The following MYO16 variants were observed in gnomAD, a reference collection of about 807,000 sequenced individuals.
MYO16 encodes the protein myosin XVI.
MYO16 carries 94 observed loss-of-function variants against 205.3 expected under a neutral mutation model. That is an observed-to-expected ratio of 0.46 (90% confidence interval 0.39 to 0.54). The LOEUF (loss-of-function observed/expected upper bound fraction) is 0.54, where lower values mean the gene tolerates loss of function less well. Ranked by LOEUF, MYO16 falls within the 20% of genes least tolerant of loss-of-function variation. The pLI is 0.00. For synonymous variants in MYO16, 988 were observed against 954.0 expected, an observed-to-expected ratio of 1.04 and a Z score of -0.66; for missense variants, 2,315 against 2,387.5, an observed-to-expected ratio of 0.97 and a Z score of 0.63.
intron 5 of MYO16, among the ~76,000 whole-genome samples, chr13:108,793,147 G>A (rs1470762713): frequency 3.3e-5 from 5 of 151,824 alleles, no homozygotes; most frequent in Non-Finnish European, 5.9e-5. Context: ...TTAGCCGGGC[G>A]CAGTGGCGGG....
At chr13:108,729,236 A>G (rs1490633725) in intron 4 of MYO16, among the ~76,000 whole-genome samples, 6 of 152,186 alleles carry the variant, frequency 3.9e-5, no homozygotes, top group African/African-American at 1.4e-4. Flanking sequence ...TAAAGGCCAT[A>G]GAATTTCTCC....
chr13:108,763,787 T>TTTGTG (rs150965677), intron 4 of MYO16, among the ~76,000 whole-genome samples: 7 of 142,634 alleles, frequency 4.9e-5, no homozygotes, highest in African/African-American at 1.8e-4. Context: ...AGAAAAGGAG[T>TTTGTG]TGTGTGTGTG....
the MYO16 span, among the ~76,000 whole-genome samples, chr13:108,571,189 C>T: frequency 6.6e-6 from 1 of 151,552 alleles, no homozygotes; most frequent in African/African-American, 2.4e-5. Flanking sequence ...GACTGAATCT[C>T]TGTGAACTGT....
At chr13:108,566,472 A>C in the MYO16 span, among the ~76,000 whole-genome samples, 3 of 147,068 alleles carry the variant, frequency 2.0e-5, no homozygotes, top group Admixed American at 6.7e-5. Flanking sequence ...CAAATAGCCA[A>C]CTTTTTTTTT....
chr13:108,556,404 T>G, the MYO16 span, among the ~76,000 whole-genome samples: 276 of 152,312 alleles, frequency 1.8e-3, 1 homozygote, highest in Non-Finnish European at 2.6e-3. Flanking sequence ...CTTTTTTTTG[T>G]ATACCCGTTG....
intron 9 of MYO16, among the ~76,000 whole-genome samples, chr13:108,838,457 C>T (rs1211723429): frequency 6.6e-6 from 1 of 150,864 alleles, no homozygotes; most frequent in East Asian, 1.9e-4. Context: ...GAGTTTGAGA[C>T]CAGCCTGGCC....
At chr13:108,583,641 T>G in the MYO16 span, among the ~76,000 whole-genome samples, 1 of 152,226 alleles carries the variant, frequency 6.6e-6, no homozygotes, top group Non-Finnish European at 1.5e-5. Flanking sequence ...GGGATTTCAA[T>G]GCATCCATTG....
intron 34 of MYO16, among the ~76,000 whole-genome samples, chr13:109,180,615 T>C (rs778652028): frequency 5.3e-5 from 8 of 152,254 alleles, no homozygotes; most frequent in East Asian, 1.9e-4. Flanking sequence ...TATAGAGGCA[T>C]GGCCATATTA....
chr13:108,886,878 A>C (rs950365874), intron 13 of MYO16, among the ~76,000 whole-genome samples: 1 of 152,124 alleles, frequency 6.6e-6, no homozygotes, highest in African/African-American at 2.4e-5. Context: ...ATCTCTGGTT[A>C]CTAGGACTTA....
At chr13:108,551,264 G>A in the MYO16 span, among the ~76,000 whole-genome samples, 1 of 152,060 alleles carries the variant, frequency 6.6e-6, no homozygotes, top group African/African-American at 2.4e-5. Context: ...TCTTTCTCCC[G>A]AGTTTCAGAT....
intron 11 of MYO16, among the ~76,000 whole-genome samples, chr13:108,864,382 T>G (rs947394303): frequency 9.8e-5 from 15 of 152,318 alleles, no homozygotes; most frequent in African/African-American, 3.6e-4. Context: ...ACTCATTAGT[T>G]ATTTGCAGAT....
At chr13:108,557,642 T>A in the MYO16 span, among the ~76,000 whole-genome samples, 1 of 152,158 alleles carries the variant, frequency 6.6e-6, no homozygotes, top group Non-Finnish European at 1.5e-5. Context: ...TGAAGACAAT[T>A]GGCATTTATT....
chr13:108,995,323 A>G (rs1386212573), intron 21 of MYO16, among the ~76,000 whole-genome samples: 4 of 152,186 alleles, frequency 2.6e-5, no homozygotes, highest in African/African-American at 7.2e-5. Context: ...TGGCGCCATT[A>G]TGACCTAAAT....
intron 4 of MYO16, among the ~76,000 whole-genome samples, chr13:108,766,387 G>A (rs1241967413): frequency 6.6e-6 from 1 of 152,214 alleles, no homozygotes; most frequent in Non-Finnish European, 1.5e-5. Flanking sequence ...ATGCTACCTG[G>A]CAGCCTCTCC....
chr13:108,614,644 T>C (rs1044719161), intron 1 of MYO16, among the ~76,000 whole-genome samples: 3 of 152,076 alleles, frequency 2.0e-5, no homozygotes, highest in Non-Finnish European at 4.4e-5. Flanking sequence ...CAATGAGATA[T>C]AATTAAGAGT....
At position 109,162,763 on chromosome 13, in the gene MYO16, G is replaced by A. The variant is rs1423748811; in HGVS notation, c.5165-2138G>A. Among the ~76,000 whole-genome samples, 1 of 152,034 alleles carries A rather than the reference G, an allele frequency of 6.6e-6. No homozygotes were observed. Among genetic ancestry groups the A allele is most frequent in the Non-Finnish European group, 1.5e-5 (1 of 68,016 alleles). The stretch of plus-strand genomic sequence containing the variant: ...AATTAAAGAGTGCAAAAATAAAATA[G>A]GTGAAAGCAACATAAAAGCAGGTGA... On this transcript the variant is annotated intron_variant, in intron 32 of 34. Transcript: ENST00000457511. This position sits in a 1 kb window ranked among gnomAD's most constrained non-coding sequence, Gnocchi z 4.6.
At chr13:109,018,869 G>T (rs1885923838) in intron 22 of MYO16, among the ~76,000 whole-genome samples, 1 of 152,040 alleles carries the variant, frequency 6.6e-6, no homozygotes, top group Non-Finnish European at 1.5e-5. Context: ...AGCTACCTCA[G>T]TTGGAAATGC....
chr13:108,853,734 C>G (rs1878011700), intron 10 of MYO16, among the ~76,000 whole-genome samples: 1 of 151,666 alleles, frequency 6.6e-6, no homozygotes, highest in Admixed American at 6.6e-5. Flanking sequence ...TTCCAAGTAG[C>G]TGGGACTACA....
chr13:108,668,420 T>C (rs1159078222), intron 2 of MYO16, among the ~76,000 whole-genome samples: 2 of 152,226 alleles, frequency 1.3e-5, no homozygotes, highest in African/African-American at 4.8e-5. Context: ...GTATTGATTT[T>C]CTATTGCTAC....
Sources: gnomAD v4.1 joint callset for allele counts (sites outside exome capture counted in the v4.1 genomes callset) on GRCh38, gnomAD v4.1.1 for gene constraint, Gnocchi (gnomAD v3.1) non-coding constraint, MANE v1.5 for transcripts, NCBI Gene and HGNC (gene_info 2026-07-23, HGNC 2026-07-21) for gene names.